Variants in PTPRE observed in about 807,000 individuals in gnomAD.
PTPRE encodes the protein receptor-type tyrosine-protein phosphatase epsilon.
A neutral mutation model predicts 102.0 loss-of-function variants in PTPRE; 51 were observed. The ratio of observed to expected loss-of-function variants is 0.50; its 90% CI spans 0.40 to 0.63. The LOEUF is 0.63. PTPRE is among the 30% of genes least tolerant of loss of function. PTPRE has a pLI of 0.00. For synonymous variants in PTPRE, 345 were observed against 348.2 expected, an observed-to-expected ratio of 0.99 and a Z score of 0.10; for missense variants, 752 against 915.1, an observed-to-expected ratio of 0.82 and a Z score of 2.30.
At chr10:128,045,882 G>A (rs1848048018) in intron 3 of PTPRE, among the ~76,000 whole-genome samples, 1 of 152,172 alleles carries the variant, frequency 6.6e-6, no homozygotes. Flanking sequence ...CTGAGTGTGG[G>A]GGCTGCAGAG....
chr10:127,997,761 C>G (rs1469745150), intron 2 of PTPRE, among the ~76,000 whole-genome samples: 2 of 152,222 alleles, frequency 1.3e-5, no homozygotes, highest in African/African-American at 4.8e-5. Context: ...CATATTACTT[C>G]TGCTTTTTCA....
At chr10:127,963,081 C>T (rs1186426319) in intron 1 of PTPRE, among the ~76,000 whole-genome samples, 1 of 152,162 alleles carries the variant, frequency 6.6e-6, no homozygotes, top group African/African-American at 2.4e-5. Flanking sequence ...AGGAGCAGGC[C>T]TGTGGAGGCC....
chr10:127,984,372 C>A (rs774018150), intron 2 of PTPRE, among the ~76,000 whole-genome samples: 1 of 152,118 alleles, frequency 6.6e-6, no homozygotes, highest in African/African-American at 2.4e-5. Flanking sequence ...TGAGCCACCG[C>A]GCCTGGCCCT....
intron 1 of PTPRE, among the ~76,000 whole-genome samples, chr10:127,947,888 G>A (rs1848738773): frequency 6.6e-6 from 1 of 152,196 alleles, no homozygotes; most frequent in African/African-American, 2.4e-5. Flanking sequence ...ACTGAGGCCT[G>A]TTGTGGGACT....
intron 2 of PTPRE, among the ~76,000 whole-genome samples, chr10:127,990,360 CGA>C (rs1233628236): frequency 2.1e-5 from 3 of 142,260 alleles, no homozygotes; most frequent in Non-Finnish European, 4.5e-5. Flanking sequence ...TGCAGTGAGC[CGA>C]GACTGCACCG....
At chr10:128,082,559 C>T (rs1394298252) in intron 20 of PTPRE, among the ~76,000 whole-genome samples, 1 of 151,668 alleles carries the variant, frequency 6.6e-6, no homozygotes, top group African/African-American at 2.4e-5. Flanking sequence ...AGTTGTTTTC[C>T]AGTTTCAATG....
rs760687721 is a variant in PTPRE at position 128,076,647 on chromosome 10, T to C, written c.1644T>C (p.His548=). ...QYWPTEGSVT[H]GEITIEIKND... ...GGCCAACCGAGGGCTCAGTTACTCATGGAGAAATAACGATTGAGATAAAGA... is the reference window on the plus strand; with the variant it reads ...GGCCAACCGAGGGCTCAGTTACTCACGGAGAAATAACGATTGAGATAAAGA... Residue 548 remains histidine, a synonymous_variant, in exon 18 of 21, where the codon CAT becomes CAC. Transcript: ENST00000254667. The C allele has an allele frequency of 1.2e-6, 2 of 1,611,616 alleles. No individual in the cohort carries two copies. The highest frequency in any genetic ancestry group is 1.1e-5 in the South Asian group (1 of 90,496).
intron 2 of PTPRE, among the ~76,000 whole-genome samples, chr10:128,016,321 C>A (rs1284103431): frequency 1.3e-5 from 2 of 152,146 alleles, no homozygotes; most frequent in Admixed American, 1.3e-4. Context: ...ACCCAATTTG[C>A]AGCTTCTGTT....
At position 128,070,740 on chromosome 10, in the gene PTPRE, C is replaced by G; in HGVS notation, c.1294-68C>G. Reference sequence around the variant, plus strand: ...GGCGTCCTTGCCAGCAGCACTAGTCCTCGGCTGAGCAATGTGCTCAGGAGT... The same window carrying G: ...GGCGTCCTTGCCAGCAGCACTAGTCGTCGGCTGAGCAATGTGCTCAGGAGT... On this transcript the variant is annotated intron_variant, in intron 14 of 20. Transcript: ENST00000254667. The surrounding 1 kb of genome is among the most constrained non-coding windows in gnomAD (Gnocchi z 4.8). 6.6e-7 allele frequency: 1 copy of G among 1,518,778 alleles called. No homozygotes were observed. The allele number at this position is 1,518,778 out of a possible 1,614,324, so 94.1% of individuals were successfully genotyped here. A position where few individuals can be genotyped will look rare whatever the true frequency, so the allele number is the denominator to read the frequency against.
intron 1 of PTPRE, among the ~76,000 whole-genome samples, chr10:127,957,732 C>T (rs1288063893): frequency 6.6e-6 from 1 of 152,210 alleles, no homozygotes; most frequent in South Asian, 2.1e-4. Context: ...TTGACATCCA[C>T]AAAATAACTT....
rs1436651619 is a variant in PTPRE, at chr10:127,946,384, G to T, written c.-30-35890G>T. Among the ~76,000 whole-genome samples the T allele has an allele frequency of 2.7e-5, 4 of 148,130 alleles. 1 individual carries two copies. Among genetic ancestry groups the T allele is most frequent in the Non-Finnish European group, 6.0e-5 (4 of 66,476 alleles). On this transcript the variant is annotated intron_variant, in intron 1 of 20. Transcript: ENST00000254667. The stretch of plus-strand genomic sequence containing the variant: ...CCTCATTTTGGGGCAAATAAGTAAG[G>T]ATATATATACAAGGATGTTTATTGC...
chr10:127,923,481 G>A (rs567096896), intron 1 of PTPRE, among the ~76,000 whole-genome samples: 3 of 134,448 alleles, frequency 2.2e-5, no homozygotes, highest in East Asian at 2.4e-4. Flanking sequence ...TCGGCTCACC[G>A]CAACCTCTGC....
At chr10:128,030,817 C>T (rs1418097606) in intron 2 of PTPRE, among the ~76,000 whole-genome samples, 3 of 152,158 alleles carry the variant, frequency 2.0e-5, no homozygotes, top group Non-Finnish European at 2.9e-5. Flanking sequence ...CCCCTGCAGG[C>T]CTCCCTCACC....
intron 2 of PTPRE, among the ~76,000 whole-genome samples, chr10:128,019,731 G>A (rs567627378): frequency 1.5e-3 from 224 of 152,302 alleles, no homozygotes; most frequent in African/African-American, 4.7e-3. Context: ...TCTGTTGGGC[G>A]GGGAGCTCAG....
At chr10:127,927,195 C>G (rs1160612839) in intron 1 of PTPRE, among the ~76,000 whole-genome samples, 1 of 152,104 alleles carries the variant, frequency 6.6e-6, no homozygotes, top group African/African-American at 2.4e-5. Context: ...CCCCACCCCC[C>G]CGGGGGTTGG....
rs1478648055 is a variant in PTPRE at position 128,083,167 on chromosome 10, T to C, written c.*261T>C. 1.3e-5 allele frequency: 3 copies of C among 238,972 alleles called. No homozygotes were observed. Among genetic ancestry groups the C allele is most frequent in the Non-Finnish European group, 2.4e-5 (3 of 125,784 alleles). 14.8% of individuals were successfully genotyped at this position (238,972 alleles called of 1,614,324 possible). On this transcript the variant is annotated 3_prime_UTR_variant, in exon 21 of 21. Coordinates refer to ENST00000254667, the MANE Select transcript of PTPRE (RefSeq NM_006504.6). The stretch of plus-strand genomic sequence containing the variant: ...GTAAATATCTTAATTTTTCATTAGA[T>C]TCATATCATTTAATTTCACATATTC...
chr10:128,031,476 A>T (rs1231090781), intron 2 of PTPRE, among the ~76,000 whole-genome samples: 2 of 152,162 alleles, frequency 1.3e-5, no homozygotes, highest in African/African-American at 4.8e-5. Context: ...CCAAGGGCGG[A>T]TGGGTGGAGC....
intron 2 of PTPRE, among the ~76,000 whole-genome samples, chr10:128,005,727 G>A (rs1396644543): frequency 2.6e-5 from 4 of 152,166 alleles, no homozygotes; most frequent in African/African-American, 4.8e-5. Context: ...TGGGCAGGCC[G>A]GCCATAAGCC....
rs1851883515 is a variant in PTPRE at position 128,083,444 on chromosome 10, AAAG to A, written c.*542_*544del. 1.3e-5 allele frequency: 2 copies of A among 152,516 alleles called. No homozygotes were observed. Among genetic ancestry groups the A allele is most frequent in the South Asian group, 4.1e-4 (2 of 4,834 alleles). 9.4% of individuals were successfully genotyped at this position (152,516 alleles called of 1,614,324 possible). A position where few individuals can be genotyped will look rare whatever the true frequency, so the allele number is the denominator to read the frequency against. On this transcript the variant is annotated 3_prime_UTR_variant, in exon 21 of 21. Transcript: ENST00000254667. ...GGTTTATCTTTACATTTTAAAGATC[AAAG>A]AAGTCTTTACAACCTGAATCCAGGT...
Sources: allele counts gnomAD v4.1 joint callset (sites outside exome capture counted in the v4.1 genomes callset), GRCh38; gene constraint gnomAD v4.1.1; non-coding constraint Gnocchi (gnomAD v3.1); transcripts MANE v1.5; gene names NCBI Gene and HGNC (gene_info 2026-07-23, HGNC 2026-07-21).